KDM4B: variants seen among roughly 807,000 people sequenced by gnomAD.
KDM4B encodes lysine-specific demethylase 4B.
Under a neutral mutation model 125.2 loss-of-function variants are expected in KDM4B, and 32 were observed. That is an observed-to-expected ratio of 0.26 (90% CI 0.19 to 0.34). The LOEUF (loss-of-function observed/expected upper bound fraction) is 0.34. KDM4B is among the 10% of genes least tolerant of loss of function. The probability of loss-of-function intolerance (pLI) is 1.00; values close to 1 mark genes in which losing one functional copy is unlikely to be tolerated. For missense variants in KDM4B, 1,190 were observed against 1,577.7 expected, an observed-to-expected ratio of 0.75 and a Z score of 4.16; for synonymous variants, 721 against 677.9, an observed-to-expected ratio of 1.06 and a Z score of -0.99.
intron 1 of KDM4B, among the ~76,000 whole-genome samples, chr19:4,974,652 C>A (rs989472914): frequency 2.0e-5 from 3 of 150,530 alleles, no homozygotes; most frequent in East Asian, 4.0e-4. Flanking sequence ...GCACGAGAAT[C>A]TCTGGAACCT....
Position 5,133,868 on chromosome 19 carries a change from C to T in KDM4B, c.1907-15C>T, listed in dbSNP as rs572391277. The T allele has an allele frequency of 1.5e-4, 249 of 1,611,566 alleles. 1 individual carries two copies. The South Asian group carries it at 2.6e-3, about 17-fold the overall frequency. On this transcript the variant is annotated splice_polypyrimidine_tract_variant and intron_variant, in intron 13 of 22. Coordinates refer to ENST00000159111, the MANE Select transcript of KDM4B (RefSeq NM_015015.3). ...GGCTCAAGTGTCTCTCTCCCTCTCC[C>T]CTCTGTTCTTCTAGAGGCATCCCCT...
chr19:4,993,179 G>A (rs2035082107), intron 1 of KDM4B, among the ~76,000 whole-genome samples: 1 of 152,172 alleles, frequency 6.6e-6, no homozygotes, highest in Non-Finnish European at 1.5e-5. Flanking sequence ...GGAGGCCGAG[G>A]TGAGTGGATC....
intron 6 of KDM4B, among the ~76,000 whole-genome samples, chr19:5,054,526 T>G (rs2037336608): frequency 9.9e-5 from 15 of 152,042 alleles, no homozygotes; most frequent in Admixed American, 9.2e-4. Context: ...GTACATGTGT[T>G]TGTTAGAGAA....
chr19:5,050,028 G>GAA (rs1359057633), intron 6 of KDM4B, among the ~76,000 whole-genome samples: 1 of 152,160 alleles, frequency 6.6e-6, no homozygotes, highest in East Asian at 1.9e-4. Context: ...GGCCCTTGGG[G>GAA]TAGGTAGGGC....
intron 6 of KDM4B, among the ~76,000 whole-genome samples, chr19:5,057,604 C>G (rs1568264641): frequency 6.6e-6 from 1 of 152,216 alleles, no homozygotes. Flanking sequence ...AGCAGCTTTG[C>G]CTGGAGTAAC....
intron 10 of KDM4B, among the ~76,000 whole-genome samples, chr19:5,118,888 G>A (rs571568527): frequency 1.1e-4 from 16 of 152,258 alleles, no homozygotes; most frequent in African/African-American, 2.6e-4. Context: ...CTTGGCCCAC[G>A]CCTGCCCCGT....
At chr19:4,988,922 C>T (rs2034938793) in intron 1 of KDM4B, among the ~76,000 whole-genome samples, 1 of 152,192 alleles carries the variant, frequency 6.6e-6, no homozygotes. Flanking sequence ...TGGGTCTTTT[C>T]AGTGAGCAGC....
intron 9 of KDM4B, among the ~76,000 whole-genome samples, chr19:5,086,915 C>T (rs538683066): frequency 9.2e-5 from 14 of 152,250 alleles, no homozygotes; most frequent in African/African-American, 9.6e-5. Flanking sequence ...AAGGTTCCCC[C>T]GGCTGTAAAA....
In KDM4B at chr19:5,142,003, A is replaced by T. The variant is rs1021133433; in HGVS notation, c.2551-1964A>T. On this transcript the variant is annotated intron_variant, in intron 18 of 22. Coordinates refer to ENST00000159111, the MANE Select transcript of KDM4B (RefSeq NM_015015.3). This position sits in a 1 kb window ranked among gnomAD's most constrained non-coding sequence, Gnocchi z 5.4. ...CTCAGGGGTTGGGGTTGTTTGCGAAAGCAGGTTGGTGGACAGCCACTGCGC... is the reference window on the plus strand; with the variant it reads ...CTCAGGGGTTGGGGTTGTTTGCGAATGCAGGTTGGTGGACAGCCACTGCGC... Among the ~76,000 whole-genome samples the T allele has an allele frequency of 1.3e-5, 2 of 152,138 alleles. No homozygotes were observed. Among genetic ancestry groups the T allele is most frequent in the African/African-American group, 4.8e-5 (2 of 41,426 alleles).
rs962012183 is a variant in KDM4B at position 5,120,443 on chromosome 19, G to A, written c.1315+591G>A. On this transcript the variant is annotated intron_variant, in intron 11 of 22. Transcript: ENST00000159111. Reference sequence around the variant, plus strand: ...GTCCTGACTGTGAGCTGGGGCCCCCGTCAGCAGGTCTCCCACCTGCCCTCG... The same window carrying A: ...GTCCTGACTGTGAGCTGGGGCCCCCATCAGCAGGTCTCCCACCTGCCCTCG... Among the ~76,000 whole-genome samples, 65 of 152,340 alleles carry A rather than the reference G, an allele frequency of 4.3e-4. 1 individual carries two copies. Among genetic ancestry groups the A allele is most frequent in the Middle Eastern group, 3.4e-3 (1 of 294 alleles).
chr19:5,054,489 T>TGTGTGTGTGC (rs1491359438), intron 6 of KDM4B, among the ~76,000 whole-genome samples: 2 of 116,054 alleles, frequency 1.7e-5, no homozygotes, highest in African/African-American at 5.6e-5. Context: ...TGTGTGTGTG[T>TGTGTGTGTGC]GCGCGCGCAT....
At chr19:5,070,270 C>A (rs919453371) in intron 6 of KDM4B, among the ~76,000 whole-genome samples, 1 of 152,136 alleles carries the variant, frequency 6.6e-6, no homozygotes, top group African/African-American at 2.4e-5. Context: ...GGGCTTCTCG[C>A]TCCCCCTCAA....
intron 9 of KDM4B, among the ~76,000 whole-genome samples, chr19:5,084,177 G>A (rs1418447901): frequency 1.3e-5 from 2 of 151,592 alleles, no homozygotes; most frequent in African/African-American, 2.4e-5. Context: ...AACCCGGGAG[G>A]TGGAGGTTGC....
chr19:5,071,093 G>C lies in KDM4B; in HGVS notation c.676+34G>C. The C allele has an allele frequency of 1.9e-6, 3 of 1,603,944 alleles. No individual in the cohort carries two copies. In the South Asian group the frequency reaches 3.3e-5, roughly 18 times the overall value. On this transcript the variant is annotated intron_variant, in intron 7 of 22. Coordinates refer to ENST00000159111, the MANE Select transcript of KDM4B (RefSeq NM_015015.3). Reference sequence around the variant, plus strand: ...CTGCCCTGAGGGCCCCAGGGACCTGGGACCAGGTGGGAGGGGCCTGTGGGT... The same window carrying C: ...CTGCCCTGAGGGCCCCAGGGACCTGCGACCAGGTGGGAGGGGCCTGTGGGT...
intron 7 of KDM4B, among the ~76,000 whole-genome samples, chr19:5,072,001 A>C (rs549650736): frequency 6.6e-6 from 1 of 152,260 alleles, no homozygotes; most frequent in Admixed American, 6.5e-5. Context: ...CTCTGACAGC[A>C]TTGAGAGGGC....
intron 1 of KDM4B, among the ~76,000 whole-genome samples, chr19:4,995,428 G>A (rs1052065272): frequency 1.3e-5 from 2 of 151,934 alleles, no homozygotes; most frequent in Admixed American, 6.6e-5. Context: ...ACAGGCACCC[G>A]CCACCACATC....
intron 11 of KDM4B, among the ~76,000 whole-genome samples, chr19:5,123,058 G>C (rs188226074): frequency 6.6e-6 from 1 of 152,354 alleles, no homozygotes; most frequent in African/African-American, 2.4e-5. Context: ...GCAGATGCAG[G>C]GACAGGCAAA....
At chr19:5,057,013 G>C (rs1208286569) in intron 6 of KDM4B, among the ~76,000 whole-genome samples, 1 of 150,612 alleles carries the variant, frequency 6.6e-6, no homozygotes, top group Non-Finnish European at 1.5e-5. Context: ...AAGCATGTAA[G>C]TACCAGATAT....
intron 22 of KDM4B, among the ~76,000 whole-genome samples, chr19:5,150,909 G>C (rs1168203054): frequency 6.6e-6 from 1 of 152,186 alleles, no homozygotes; most frequent in Non-Finnish European, 1.5e-5. Context: ...AGTCCTGGAG[G>C]CAGCGGAGGC....
Sources: allele counts gnomAD v4.1 joint callset (sites outside exome capture counted in the v4.1 genomes callset), GRCh38; gene constraint gnomAD v4.1.1; non-coding constraint Gnocchi (gnomAD v3.1); transcripts MANE v1.5; gene names NCBI Gene and HGNC (gene_info 2026-07-23, HGNC 2026-07-21).